The following USP40 variants were observed in gnomAD, a reference collection of about 807,000 sequenced individuals.
USP40 encodes the protein ubiquitin specific peptidase 40, also known as ubiquitin carboxyl-terminal hydrolase 40.
In USP40, 143 loss-of-function variants were observed where a neutral mutation model predicts 166.2. The ratio of observed to expected loss-of-function variants is 0.86; its 90% CI spans 0.75 to 0.99. USP40 has a LOEUF of 0.99. Among genes scored for constraint, USP40 ranks in the 50% least tolerant of loss-of-function variants. USP40 has a pLI of 0.00. For missense variants in USP40, 1,444 were observed against 1,479.7 expected (o/e 0.98, Z 0.40); for synonymous variants, 498 against 524.0 (o/e 0.95, Z 0.68).
chr2:233,477,548 T>C (rs1575201452), intron 31 of USP40, 45 bp from the exon 32 acceptor site: 1 of 1,556,570 alleles, frequency 6.4e-7, no homozygotes, highest in South Asian at 1.1e-5. Flanking sequence ...ATGCAGTGGG[T>C]GTCAGGGTGA....
intron 31 of USP40, among the ~76,000 whole-genome samples, 197 bp downstream of exon 31, chr2:233,481,006 C>T (rs2064544589): frequency 6.6e-6 from 1 of 152,178 alleles, no homozygotes; most frequent in Admixed American, 6.5e-5. Context: ...TTCACCTGTT[C>T]CACAGAAAGC....
At chr2:233,516,194 C>T (rs1369613377) in intron 18 of USP40, among the ~76,000 whole-genome samples, 3 of 152,168 alleles carry the variant, frequency 2.0e-5, no homozygotes, top group Non-Finnish European at 2.9e-5. Context: ...TGCCAATATA[C>T]ACTGTCTAGA....
chr2:233,489,669 G>A (rs996943719), intron 26 of USP40, 186 bp from the exon 27 acceptor site: 31 of 568,604 alleles, frequency 5.5e-5, no homozygotes, highest in African/African-American at 4.0e-4. Flanking sequence ...AACCCTGAGC[G>A]GTCTTCATAT....
chr2:233,530,205 GACAC>G (rs71058561), intron 11 of USP40, among the ~76,000 whole-genome samples: 7 of 149,368 alleles, frequency 4.7e-5, no homozygotes, highest in South Asian at 2.1e-4. Flanking sequence ...TCACTCCCAA[GACAC>G]ACACACACAC....
intron 8 of USP40, among the ~76,000 whole-genome samples, chr2:233,548,628 G>T (rs2070227499): frequency 6.6e-6 from 1 of 152,108 alleles, no homozygotes; most frequent in Non-Finnish European, 1.5e-5. Flanking sequence ...AAAACTGGTG[G>T]AATCTGAACA....
intron 22 of USP40, 93 bp downstream of exon 22, chr2:233,499,786 A>C: frequency 9.5e-7 from 1 of 1,050,466 alleles, no homozygotes; most frequent in Non-Finnish European, 1.4e-6. Context: ...CACACCCTAT[A>C]AATTTTTTTT....
At chr2:233,494,964 A>T (rs55816543) in intron 24 of USP40, among the ~76,000 whole-genome samples, 6 of 74,666 alleles carry the variant, frequency 8.0e-5, no homozygotes, top group South Asian at 3.6e-4. Flanking sequence ...ATTTATATAT[A>T]TATATATATA....
chr2:233,542,642 C>A, intron 8 of USP40: 1 of 280,626 alleles, frequency 3.6e-6, no homozygotes. Flanking sequence ...TGCGCCACTG[C>A]ACTCCAGCAT....
rs748159675 is a variant in USP40, at chr2:233,499,915, A to G, written c.2614T>C (p.Cys872Arg). The change falls in exon 22 of 32, where the codon TGT becomes CGT. Residue 872 changes from cysteine to arginine, a missense_variant and splice_region_variant. By Grantham distance (180) the Cys-to-Arg change is radical (BLOSUM62 -3). Coordinates refer to ENST00000678225, the MANE Select transcript of USP40 (RefSeq NM_001365479.2). ...GATTTCTTCAGCATTAACTTTAAAC[A>G]CTGTAAAGAAAAACAATGTCCAATG... ...VVEETISVRDCLKLMLKKSGL... is the reference protein window; with the variant it reads ...VVEETISVRDRLKLMLKKSGL... 2.0e-5 allele frequency: 32 copies of G among 1,611,542 alleles called. No homozygotes were observed. The South Asian group carries it at 3.3e-4, about 17-fold the overall frequency.
intron 31 of USP40, among the ~76,000 whole-genome samples, chr2:233,479,718 T>C (rs905690893): frequency 6.6e-6 from 1 of 151,530 alleles, no homozygotes; most frequent in Non-Finnish European, 1.5e-5. Flanking sequence ...CTCTCCCATA[T>C]CCCAGGTCTC....
chr2:233,543,717 A>C (rs1294267214), intron 8 of USP40, among the ~76,000 whole-genome samples: 1 of 152,210 alleles, frequency 6.6e-6, no homozygotes, highest in Non-Finnish European at 1.5e-5. Flanking sequence ...CTGGTGCCTT[A>C]ATCTTGACTT....
chr2:233,533,823 C>T (rs1471539813), intron 10 of USP40, 44 bp from the exon 11 acceptor site: 2 of 1,463,512 alleles, frequency 1.4e-6, no homozygotes, highest in Admixed American at 2.6e-5. Context: ...ATTATTTAAA[C>T]AAAAATTAGA....
chr2:233,488,921 AAAAGGAAAG>A (rs763821442), intron 27 of USP40, among the ~76,000 whole-genome samples: 16 of 152,134 alleles, frequency 1.1e-4, no homozygotes, highest in African/African-American at 2.2e-4. Flanking sequence ...GAAAAGAAAG[AAAAGGAAAG>A]AAAGGAAAGA....
Position 233,565,412 on chromosome 2 carries a change from C to T in USP40, c.143G>A (p.Gly48Glu), listed in dbSNP as rs1341844032. The T allele has an allele frequency of 2.0e-6, 3 of 1,537,224 alleles. No homozygotes were observed. The highest frequency in any genetic ancestry group is 1.7e-4 in the Middle Eastern group (1 of 5,988). ...AAGAAGGGAATTGAGGTAACAGGTT[C>T]CACCCTGATTTCTGATTCCGCTTAA... is the stretch of plus-strand genomic sequence containing the variant. ...TNLSGIRNQG[G>E]TCYLNSLLQT... The change falls in exon 2 of 32, where the codon GGA becomes GAA. Residue 48 changes from glycine (G) to glutamate (E), a missense_variant. Gly to Glu is a moderately conservative substitution (Grantham distance 98). Transcript: ENST00000678225.
At position 233,533,644 on chromosome 2, in the gene USP40, C is replaced by T. The variant is rs1387345149; in HGVS notation, c.1306G>A (p.Glu436Lys). Reference sequence around the variant, plus strand: ...ATGCTATTGTTTAAACCTGGGGATTCTGGAGGAAGCATCTTGAAAATTTGC... The same window carrying T: ...ATGCTATTGTTTAAACCTGGGGATTTTGGAGGAAGCATCTTGAAAATTTGC... ...DQQIFKMLPP[E>K]SPGLNNSISC... The change falls in exon 11 of 32, where the codon GAA becomes AAA. Residue 436 changes from glutamate to lysine, a missense_variant. By Grantham distance (56) the Glu-to-Lys change is moderately conservative. Transcript: ENST00000678225. 2 of 1,613,600 alleles carry T rather than the reference C, an allele frequency of 1.2e-6. No individual in the cohort carries two copies. The highest frequency in any genetic ancestry group is 1.7e-6 in the Non-Finnish European group (2 of 1,179,806).
In USP40 at chr2:233,529,484, T is replaced by C. The variant is rs752446962; in HGVS notation, c.1500A>G (p.Pro500=). ...EARANPRYGV[P]CHLLNEMDAA... The stretch of plus-strand genomic sequence containing the variant: ...CATCCATTTCATTCAGTAAATGACA[T>C]GGAACCCCATATCTTGGATTAGCTC... Residue 500 remains proline (P), a synonymous_variant, in exon 12 of 32, where the codon CCA becomes CCG. Transcript: ENST00000678225. 15 of 1,585,586 alleles carry C rather than the reference T, an allele frequency of 9.5e-6. No individual in the cohort carries two copies. The highest frequency in any genetic ancestry group is 4.6e-5 in the South Asian group (4 of 86,982).
intron 21 of USP40, among the ~76,000 whole-genome samples, chr2:233,502,482 C>T (rs1271642601): frequency 1.3e-5 from 2 of 152,112 alleles, no homozygotes; most frequent in Non-Finnish European, 2.9e-5. Context: ...AGTGTCATGT[C>T]AAAGGGTCAA....
intron 6 of USP40, among the ~76,000 whole-genome samples, chr2:233,552,573 G>A (rs1180780468): frequency 6.6e-6 from 1 of 152,194 alleles, no homozygotes; most frequent in African/African-American, 2.4e-5. Flanking sequence ...AAAGCTGAAT[G>A]TGTAGGTATC....
intron 30 of USP40, among the ~76,000 whole-genome samples, chr2:233,482,880 G>C (rs1281977702): frequency 1.3e-5 from 2 of 152,202 alleles, no homozygotes; most frequent in East Asian, 1.9e-4. Context: ...GCAGCTTCCT[G>C]CTGGATTCTG....
Sources: gnomAD v4.1 joint callset for allele counts (sites outside exome capture counted in the v4.1 genomes callset) on GRCh38, gnomAD v4.1.1 for gene constraint, MANE v1.5 for transcripts, NCBI Gene and HGNC (gene_info 2026-07-23, HGNC 2026-07-21) for gene names.